ACTN1: variants seen among roughly 807,000 people sequenced by gnomAD.
ACTN1 encodes actinin alpha 1.
ACTN1 carries 30 observed loss-of-function variants against 119.6 expected under a neutral mutation model. That is an observed-to-expected ratio of 0.25 (90% CI 0.19 to 0.34). The LOEUF is 0.34. ACTN1 is among the 10% of genes least tolerant of loss of function. The pLI is 1.00. For missense variants in ACTN1, 764 were observed against 1,223.4 expected (o/e 0.62, Z 5.60); for synonymous variants, 429 against 472.6 (o/e 0.91, Z 1.20).
chr14:68,952,345 G>A (rs148137025), intron 1 of ACTN1, among the ~76,000 whole-genome samples: 14 of 152,352 alleles, frequency 9.2e-5, no homozygotes, highest in African/African-American at 2.9e-4. Flanking sequence ...CAGACAGGTC[G>A]AAGTGACAGG....
At position 68,925,680 on chromosome 14, in the gene ACTN1, G is replaced by A. The variant is rs771934354; in HGVS notation, c.106-8C>T. On this transcript the variant is annotated splice_polypyrimidine_tract_variant and splice_region_variant and intron_variant, in intron 1 of 21. Coordinates refer to ENST00000394419, the MANE Select transcript of ACTN1 (RefSeq NM_001130004.2). The surrounding 1 kb of genome is among the most constrained non-coding windows in gnomAD (Gnocchi z 4.3). ...ACACCATGCCGTGAATGTCTGGGCAGAGACAAGAAGGGCAAGTGGTCAGGG... is the reference window on the plus strand; with the variant it reads ...ACACCATGCCGTGAATGTCTGGGCAAAGACAAGAAGGGCAAGTGGTCAGGG... The A allele has an allele frequency of 1.2e-6, 2 of 1,606,040 alleles. No homozygotes were observed. Among genetic ancestry groups the A allele is most frequent in the East Asian group, 4.5e-5 (2 of 44,478 alleles).
rs769035131 is a variant in ACTN1 at position 68,878,803 on chromosome 14, T to C, written c.2361+186A>G. ...ACAGCGGGCACCCAGTAGGTTGCCA[T>C]GAAAGACAGCAGAGGGCAGAGGGTG... On this transcript the variant is annotated intron_variant, in intron 19 of 21. Transcript: ENST00000394419. This position sits in a 1 kb window ranked among gnomAD's most constrained non-coding sequence, Gnocchi z 4.4. 1 of 1,584,322 alleles carries C rather than the reference T, an allele frequency of 6.3e-7. No individual in the cohort carries two copies. Among genetic ancestry groups the C allele is most frequent in the Non-Finnish European group, 8.5e-7 (1 of 1,173,296 alleles).
intron 21 of ACTN1, among the ~76,000 whole-genome samples, chr14:68,876,385 C>CA (rs373493805): frequency 1.6e-4 from 25 of 152,298 alleles, no homozygotes; most frequent in African/African-American, 5.8e-4. Flanking sequence ...ACCCCACCCC[C>CA]ACCATTTCTT....
In ACTN1 at chr14:68,878,613, T is replaced by C. The variant is rs2031162613; in HGVS notation, c.2362-90A>G. The C allele has an allele frequency of 4.4e-6, 7 of 1,585,820 alleles. No homozygotes were observed. Among genetic ancestry groups the C allele is most frequent in the Non-Finnish European group, 6.0e-6 (7 of 1,166,112 alleles). ...CCGGGGCCAGGAAGACAGGAACAGA[T>C]GGCCAGAACGGGGATGAGATTTATG... On this transcript the variant is annotated intron_variant, in intron 19 of 21. Transcript: ENST00000394419. This position sits in a 1 kb window ranked among gnomAD's most constrained non-coding sequence, Gnocchi z 4.4.
At position 68,879,467 on chromosome 14, in the gene ACTN1, C is replaced by T. The variant is rs1467017218; in HGVS notation, c.2281-398G>A. On this transcript the variant is annotated intron_variant, in intron 18 of 21. Coordinates refer to ENST00000394419, the MANE Select transcript of ACTN1 (RefSeq NM_001130004.2). This position sits in a 1 kb window ranked among gnomAD's most constrained non-coding sequence, Gnocchi z 4.9. ...CATGCTCCCACGCCTTGGGACCGCC[C>T]GCAAGCCCCAGGGCACTGGGAAGGG... Among the ~76,000 whole-genome samples the T allele has an allele frequency of 6.6e-6, 1 of 152,162 alleles. No individual in the cohort carries two copies. The highest frequency in any genetic ancestry group is 2.4e-5 in the African/African-American group (1 of 41,442).
At position 68,888,021 on chromosome 14, in the gene ACTN1, C is replaced by T. The variant is rs1224072482; in HGVS notation, c.1234+2118G>A. ...GCAGGAGGTTTAACTGACAACCGCG[C>T]CGATCTCCTCTTGGGCTTTTCCTTG... On this transcript the variant is annotated intron_variant, in intron 11 of 21. Coordinates refer to ENST00000394419, the MANE Select transcript of ACTN1 (RefSeq NM_001130004.2). The T allele has an allele frequency of 1.1e-5, 8 of 741,168 alleles. No individual in the cohort carries two copies. In the African/African-American group the frequency reaches 1.2e-4, roughly 11 times the overall value. 45.9% of individuals were successfully genotyped at this position (741,168 alleles called of 1,614,324 possible).
At chr14:68,908,153 C>T (rs1056301470) in intron 6 of ACTN1, among the ~76,000 whole-genome samples, 1 of 149,556 alleles carries the variant, frequency 6.7e-6, no homozygotes, top group Non-Finnish European at 1.5e-5. Flanking sequence ...GAGGCCTCAG[C>T]CTCAAGCTTC....
intron 1 of ACTN1, among the ~76,000 whole-genome samples, chr14:68,931,953 A>G (rs967148060): frequency 6.6e-6 from 1 of 151,518 alleles, no homozygotes; most frequent in African/African-American, 2.4e-5. Context: ...TATCACTCTG[A>G]CTCTATAAGA....
intron 1 of ACTN1, among the ~76,000 whole-genome samples, chr14:68,963,245 A>G (rs2036598094): frequency 6.6e-6 from 1 of 152,142 alleles, no homozygotes; most frequent in African/African-American, 2.4e-5. Context: ...TTGGAACTCC[A>G]TTCTCTATAC....
chr14:68,906,279 C>G (rs1214390789), intron 6 of ACTN1, among the ~76,000 whole-genome samples: 1 of 152,180 alleles, frequency 6.6e-6, no homozygotes, highest in Admixed American at 6.5e-5. Flanking sequence ...GTTTTTAATG[C>G]AGAGGATAAA....
intron 11 of ACTN1, chr14:68,888,267 C>T: frequency 3.0e-6 from 1 of 332,010 alleles, no homozygotes; most frequent in Non-Finnish European, 5.8e-6. Context: ...ATACATGTGG[C>T]CAAACTGCTT....
intron 6 of ACTN1, among the ~76,000 whole-genome samples, chr14:68,907,146 C>T (rs2033712382): frequency 1.3e-5 from 2 of 150,816 alleles, no homozygotes; most frequent in Admixed American, 1.3e-4. Context: ...CCTGTTATCC[C>T]AGCTACTCAG....
chr14:68,892,043 C>T lies in ACTN1; in HGVS notation c.1086+10G>A. 2 of 1,612,744 alleles carry T rather than the reference C, an allele frequency of 1.2e-6. No individual in the cohort carries two copies. The highest frequency in any genetic ancestry group is 1.7e-6 in the Non-Finnish European group (2 of 1,179,768). On this transcript the variant is annotated intron_variant, in intron 10 of 21. Transcript: ENST00000394419. Reference sequence around the variant, plus strand: ...CAGTCTGGGGGCCCAGGCTCACCCCCAGTGCTCACCGAGACCATCCTGCCC... The same window carrying T: ...CAGTCTGGGGGCCCAGGCTCACCCCTAGTGCTCACCGAGACCATCCTGCCC...
chr14:68,888,567 C>G (rs1014170300), intron 11 of ACTN1, among the ~76,000 whole-genome samples: 1 of 152,134 alleles, frequency 6.6e-6, no homozygotes, highest in Admixed American at 6.5e-5. Flanking sequence ...CTTAGCCAGT[C>G]AAGCACACTC....
chr14:68,922,435 AGC>A (rs2034700101), intron 2 of ACTN1, among the ~76,000 whole-genome samples: 1 of 152,230 alleles, frequency 6.6e-6, no homozygotes, highest in African/African-American at 2.4e-5. Flanking sequence ...GCTGCAACCC[AGC>A]AAGGTACCCC....
Position 68,880,941 on chromosome 14 carries a change from G to C in ACTN1, c.2002C>G (p.Leu668Val). ...TTCTCATACTGCCGCAGGTGGCTGAGCTGGTCCTCCAGGGTCCCATGCATC... is the reference window on the plus strand; with the variant it reads ...TTCTCATACTGCCGCAGGTGGCTGACCTGGTCCTCCAGGGTCCCATGCATC... ...IEMHGTLEDQ[L>V]SHLRQYEKSI... The change falls in exon 17 of 22, where the codon CTC (leucine) becomes GTC (valine). Residue 668 changes from leucine (L) to valine (V), a missense_variant. Physicochemically the swap from Leu to Val is conservative, Grantham distance 32 (BLOSUM62 1). Around this residue, in one of 4 missense-constraint regions of ACTN1, gnomAD observed 544 missense variants for 912.0 expected, o/e 0.60. Coordinates refer to ENST00000394419, the MANE Select transcript of ACTN1 (RefSeq NM_001130004.2). This position sits in a 1 kb window ranked among gnomAD's most constrained non-coding sequence, Gnocchi z 4.6. The C allele has an allele frequency of 6.2e-7, 1 of 1,614,156 alleles. No individual in the cohort carries two copies. The highest frequency in any genetic ancestry group is 8.5e-7 in the Non-Finnish European group (1 of 1,180,028).
At chr14:68,875,297 C>T (rs1344331726) in intron 21 of ACTN1, among the ~76,000 whole-genome samples, 2 of 152,256 alleles carry the variant, frequency 1.3e-5, no homozygotes, top group African/African-American at 4.8e-5. Flanking sequence ...CTATAATCAT[C>T]TTCTGAATCA....
intron 1 of ACTN1, among the ~76,000 whole-genome samples, chr14:68,963,659 C>T (rs944454508): frequency 1.3e-5 from 2 of 152,218 alleles, no homozygotes; most frequent in Non-Finnish European, 2.9e-5. Context: ...CTCCGGTGAG[C>T]ACCTGCAACT....
intron 20 of ACTN1, 163 bp from the exon 21 acceptor site, chr14:68,877,403 CA>C (rs2031029128): frequency 2.5e-6 from 2 of 786,044 alleles, no homozygotes; most frequent in Non-Finnish European, 3.9e-6. Flanking sequence ...GGGGACACAA[CA>C]CCCAACAGGG....
Sources: allele counts gnomAD v4.1 joint callset (sites outside exome capture counted in the v4.1 genomes callset), GRCh38; gene constraint gnomAD v4.1.1; regional missense constraint gnomAD v4.1.1; non-coding constraint Gnocchi (gnomAD v3.1); transcripts MANE v1.5; gene names NCBI Gene and HGNC (gene_info 2026-07-23, HGNC 2026-07-21).